LARGE1: variants seen among roughly 807,000 people sequenced by gnomAD.
LARGE1 encodes the protein LARGE xylosyl- and glucuronyltransferase 1, also known as xylosyl- and glucuronyltransferase LARGE1.
A neutral mutation model predicts 87.6 loss-of-function variants in LARGE1; 43 were observed. That is an observed-to-expected ratio of 0.49 (90% CI 0.38 to 0.63). LARGE1 has a LOEUF of 0.63. Among genes scored for constraint, LARGE1 ranks in the 30% least tolerant of loss-of-function variants. The pLI is 0.00. For synonymous variants in LARGE1, 434 were observed against 394.6 expected (o/e 1.10, Z -1.18); for missense variants, 802 against 1,000.2 (o/e 0.80, Z 2.67).
chr22:33,910,189 C>T (rs936983457), intron 1 of LARGE1, among the ~76,000 whole-genome samples: 3 of 152,100 alleles, frequency 2.0e-5, no homozygotes, highest in Non-Finnish European at 4.4e-5. Context: ...CTATGTCCCT[C>T]GAGGGCAGGG....
intron 1 of LARGE1, among the ~76,000 whole-genome samples, chr22:33,860,675 C>T (rs139412554): frequency 3.3e-5 from 5 of 152,250 alleles, no homozygotes; most frequent in African/African-American, 9.6e-5. Context: ...GGCGTGCAAC[C>T]GTGATCAGGA....
At chr22:33,674,366 CT>C (rs975546621) in intron 2 of LARGE1, among the ~76,000 whole-genome samples, 1 of 152,198 alleles carries the variant, frequency 6.6e-6, no homozygotes, top group Non-Finnish European at 1.5e-5. Context: ...TTGTTTATTA[CT>C]GGCTTATTTC....
At chr22:33,352,314 A>C (rs115528718) in intron 9 of LARGE1, among the ~76,000 whole-genome samples, 124 of 152,334 alleles carry the variant, frequency 8.1e-4, no homozygotes, top group African/African-American at 2.8e-3. Flanking sequence ...AAAACCAGGA[A>C]AGACTGTGAC....
chr22:33,909,774 A>G (rs2065574503), intron 1 of LARGE1, among the ~76,000 whole-genome samples: 1 of 151,878 alleles, frequency 6.6e-6, no homozygotes, highest in South Asian at 2.1e-4. Context: ...TCCTGACCTC[A>G]TGATTCGCCC....
At chr22:33,066,977 T>C in the LARGE1 span, among the ~76,000 whole-genome samples, 13 of 152,024 alleles carry the variant, frequency 8.6e-5, no homozygotes, top group Non-Finnish European at 1.2e-4. Flanking sequence ...AGAACAGGCA[T>C]GAGAGGAGGA....
intron 6 of LARGE1, among the ~76,000 whole-genome samples, chr22:33,549,370 G>A (rs373008156): frequency 1.3e-5 from 2 of 152,278 alleles, no homozygotes; most frequent in Admixed American, 6.5e-5. Flanking sequence ...CTCTCTTCAC[G>A]GATATGCAGA....
chr22:33,358,286 C>G (rs2064252177), intron 9 of LARGE1, among the ~76,000 whole-genome samples: 1 of 82,558 alleles, frequency 1.2e-5, no homozygotes, highest in Non-Finnish European at 2.5e-5. Context: ...TAGATCTTCT[C>G]CCCCAAAACC....
chr22:33,091,053 C>T, the LARGE1 span, among the ~76,000 whole-genome samples: 1 of 152,184 alleles, frequency 6.6e-6, no homozygotes, highest in Non-Finnish European at 1.5e-5. Flanking sequence ...AATCTCTCTT[C>T]CTCATGACAG....
At chr22:33,094,846 G>A in the LARGE1 span, among the ~76,000 whole-genome samples, 3 of 152,216 alleles carry the variant, frequency 2.0e-5, no homozygotes, top group East Asian at 5.8e-4. Flanking sequence ...AGCCTCCTGA[G>A]TAGCTAGAAT....
At chr22:33,631,009 C>T (rs923725232) in intron 3 of LARGE1, among the ~76,000 whole-genome samples, 2 of 152,068 alleles carry the variant, frequency 1.3e-5, no homozygotes, top group African/African-American at 2.4e-5. Flanking sequence ...CCTGCCACCA[C>T]GCCCGGCTAA....
At chr22:33,079,297 G>A in the LARGE1 span, among the ~76,000 whole-genome samples, 1 of 143,136 alleles carries the variant, frequency 7.0e-6, no homozygotes, top group Non-Finnish European at 1.5e-5. Flanking sequence ...GCGTGATCTC[G>A]GCTCACTGCA....
At chr22:33,775,445 T>C (rs1001981105) in intron 1 of LARGE1, among the ~76,000 whole-genome samples, 1 of 152,216 alleles carries the variant, frequency 6.6e-6, no homozygotes, top group African/African-American at 2.4e-5. Flanking sequence ...TGCTAGACTT[T>C]CCCACACCAA....
intron 1 of LARGE1, among the ~76,000 whole-genome samples, chr22:33,884,260 C>T (rs1012771252): frequency 1.1e-4 from 17 of 152,224 alleles, no homozygotes; most frequent in African/African-American, 2.9e-4. Context: ...TGTCCGTCCA[C>T]ACTGCTGGGA....
At chr22:33,438,242 G>A (rs1423269930) in intron 6 of LARGE1, among the ~76,000 whole-genome samples, 2 of 152,084 alleles carry the variant, frequency 1.3e-5, no homozygotes, top group Non-Finnish European at 2.9e-5. Flanking sequence ...AAATCCCAGG[G>A]GATTCCTTGG....
At chr22:33,820,801 C>T (rs1451815904) in intron 1 of LARGE1, among the ~76,000 whole-genome samples, 9 of 152,178 alleles carry the variant, frequency 5.9e-5, no homozygotes, top group Admixed American at 5.9e-4. Flanking sequence ...TATATCCACA[C>T]TTGCCCTTTT....
At chr22:33,193,118 C>A (rs535847869) in intron 11 of LARGE1, among the ~76,000 whole-genome samples, 1 of 151,626 alleles carries the variant, frequency 6.6e-6, no homozygotes, top group South Asian at 2.1e-4. Context: ...GTGTAATACT[C>A]TGGATGCAAT....
At chr22:33,759,711 T>C (rs1219087187) in intron 2 of LARGE1, among the ~76,000 whole-genome samples, 2 of 152,178 alleles carry the variant, frequency 1.3e-5, no homozygotes, top group Non-Finnish European at 1.5e-5. Flanking sequence ...ATTAAACCTA[T>C]ACTAGCACGG....
intron 2 of LARGE1, among the ~76,000 whole-genome samples, chr22:33,722,712 G>T (rs867772239): frequency 2.0e-5 from 3 of 152,132 alleles, no homozygotes; most frequent in East Asian, 1.9e-4. Context: ...AAATAATCCT[G>T]ATAAGACAGA....
chr22:33,582,756 C>T (rs1161647019), intron 5 of LARGE1, among the ~76,000 whole-genome samples: 1 of 152,248 alleles, frequency 6.6e-6, no homozygotes. Context: ...CCCCTGAATA[C>T]TTCCACCAAA....
Sources: gnomAD v4.1 joint callset for allele counts (sites outside exome capture counted in the v4.1 genomes callset) on GRCh38, gnomAD v4.1.1 for gene constraint, MANE v1.5 for transcripts, NCBI Gene and HGNC (gene_info 2026-07-23, HGNC 2026-07-21) for gene names.